The following DCUN1D5 variants were observed in gnomAD, a reference collection of about 807,000 sequenced individuals.
The protein encoded by DCUN1D5 is defective in cullin neddylation 1 domain containing 5, also known as DCN1-like protein 5.
In DCUN1D5, 10 loss-of-function variants were observed where a neutral mutation model predicts 38.3. That is an observed-to-expected ratio of 0.26 (90% CI 0.16 to 0.44). The LOEUF (loss-of-function observed/expected upper bound fraction) is 0.44. DCUN1D5 is among the 20% of genes least tolerant of loss of function. DCUN1D5 has a pLI of 1.00. For synonymous variants in DCUN1D5, 93 were observed against 90.9 expected (o/e 1.02, Z -0.13); for missense variants, 148 against 275.3 (o/e 0.54, Z 3.27).
intron 4 of DCUN1D5, among the ~76,000 whole-genome samples, chr11:103,076,540 T>C (rs1862411461): frequency 6.6e-6 from 1 of 152,260 alleles, no homozygotes; most frequent in Non-Finnish European, 1.5e-5. Flanking sequence ...GTTAAAATTC[T>C]AGCTTCTCTA....
chr11:103,090,602 T>C (rs1401705327), intron 1 of DCUN1D5, among the ~76,000 whole-genome samples: 1 of 152,186 alleles, frequency 6.6e-6, no homozygotes, highest in African/African-American at 2.4e-5. Flanking sequence ...AGGCAGCTAA[T>C]ATGGTTATTT....
chr11:103,072,765 T>TG (rs1862310820), intron 4 of DCUN1D5, among the ~76,000 whole-genome samples: 2 of 6,406 alleles, frequency 3.1e-4, no homozygotes, highest in Admixed American at 1.9e-3. Context: ...TGTCGGGGGG[T>TG]GGGGGGAGGG....
intron 1 of DCUN1D5, among the ~76,000 whole-genome samples, chr11:103,090,606 G>A (rs1308285744): frequency 6.6e-6 from 1 of 152,090 alleles, no homozygotes; most frequent in African/African-American, 2.4e-5. Context: ...AGCTAATATG[G>A]TTATTTTTTA....
intron 4 of DCUN1D5, among the ~76,000 whole-genome samples, 155 bp downstream of exon 4, chr11:103,082,593 C>T (rs1862594148): frequency 6.6e-6 from 1 of 151,914 alleles, no homozygotes; most frequent in Non-Finnish European, 1.5e-5. Context: ...TTGCCCAAGA[C>T]CACAATATAA....
rs1036525182 is a variant in DCUN1D5, at chr11:103,061,252, T to C, written c.*1107A>G. On this transcript the variant is annotated 3_prime_UTR_variant, in exon 8 of 8. Transcript: ENST00000260247. ...CTTCTCTCTACTCAAACAATGACAC[T>C]AGAAATGTTTCTGAAGTTGTGACTG... is the stretch of plus-strand genomic sequence containing the variant. 3.3e-5 allele frequency among the ~76,000 whole-genome samples: 5 copies of C among 152,148 alleles called. No individual in the cohort carries two copies. Among genetic ancestry groups the C allele is most frequent in the Admixed American group, 6.5e-5 (1 of 15,272 alleles).
At chr11:103,072,508 T>A (rs1400085721) in intron 4 of DCUN1D5, among the ~76,000 whole-genome samples, 1 of 151,880 alleles carries the variant, frequency 6.6e-6, no homozygotes. Flanking sequence ...CTTGGAACCA[T>A]CCCAAATGTC....
chr11:103,062,240 AC>A lies in DCUN1D5; in HGVS notation c.*118del. ...TCCTTTAAAAAAAGGAAAAAAAAGT[AC>A]TATGAGAAGTCTTTCATATGAATGA... On this transcript the variant is annotated 3_prime_UTR_variant, in exon 8 of 8. Coordinates refer to ENST00000260247, the MANE Select transcript of DCUN1D5 (RefSeq NM_032299.4). The surrounding 1 kb of genome is among the most constrained non-coding windows in gnomAD (Gnocchi z 4.6). 1.0e-6 allele frequency: 1 copy of A among 960,904 alleles called. No homozygotes were observed. The highest frequency in any genetic ancestry group is 1.5e-5 in the South Asian group (1 of 68,792). 59.5% of individuals were successfully genotyped at this position (960,904 alleles called of 1,614,324 possible).
Position 103,064,136 on chromosome 11 carries a change from C to G in DCUN1D5, c.658+139G>C. On this transcript the variant is annotated intron_variant, in intron 7 of 7. Coordinates refer to ENST00000260247, the MANE Select transcript of DCUN1D5 (RefSeq NM_032299.4). The surrounding 1 kb of genome is among the most constrained non-coding windows in gnomAD (Gnocchi z 4.5). Reference sequence around the variant, plus strand: ...CTGAATCTAAGCTCTCTCTCTACTTCTCCCACAATCCCTCACACAATTAAA... The same window carrying G: ...CTGAATCTAAGCTCTCTCTCTACTTGTCCCACAATCCCTCACACAATTAAA... 3.4e-6 allele frequency: 2 copies of G among 589,640 alleles called. No individual in the cohort carries two copies. The highest frequency in any genetic ancestry group is 2.3e-5 in the South Asian group (1 of 43,564). The allele number at this position is 589,640 out of a possible 1,614,324, so 36.5% of individuals were successfully genotyped here. A position where few individuals can be genotyped will look rare whatever the true frequency, so the allele number is the denominator to read the frequency against.
rs1277759546 is a variant in DCUN1D5, at chr11:103,058,492, G to A, written c.*3867C>T. ...ATTAAATTAATGACAACTTATCCAA[G>A]GTTTGGGGCAGAAATTCATCTTTCC... is the stretch of plus-strand genomic sequence containing the variant. On this transcript the variant is annotated 3_prime_UTR_variant, in exon 8 of 8. Transcript: ENST00000260247. Among the ~76,000 whole-genome samples the A allele has an allele frequency of 6.6e-6, 1 of 152,060 alleles. No individual in the cohort carries two copies. The highest frequency in any genetic ancestry group is 2.4e-5 in the African/African-American group (1 of 41,406).
In DCUN1D5 at chr11:103,086,365, G is replaced by T. The variant is rs1862708180; in HGVS notation, c.178+2862C>A. Among the ~76,000 whole-genome samples the T allele has an allele frequency of 6.6e-6, 1 of 152,124 alleles. No homozygotes were observed. Among genetic ancestry groups the T allele is most frequent in the Non-Finnish European group, 1.5e-5 (1 of 68,024 alleles). ...AGGTATTGTGCTAAGGGCTTTACAT[G>T]TATTATTCTCAGTAGGCAAAATTAT... On this transcript the variant is annotated intron_variant, in intron 2 of 7. Coordinates refer to ENST00000260247, the MANE Select transcript of DCUN1D5 (RefSeq NM_032299.4). This position sits in a 1 kb window ranked among gnomAD's most constrained non-coding sequence, Gnocchi z 4.1.
rs1862259455 is a variant in DCUN1D5, at chr11:103,071,097, A to G, written c.342-4530T>C. Among the ~76,000 whole-genome samples the G allele has an allele frequency of 6.6e-6, 1 of 152,126 alleles. No homozygotes were observed. ...GAAATTTATAGTGCTAAATACACAC[A>G]TTAGAAAAAAGAAAAAGCCTTAATC... On this transcript the variant is annotated intron_variant, in intron 4 of 7. Coordinates refer to ENST00000260247, the MANE Select transcript of DCUN1D5 (RefSeq NM_032299.4). This position sits in a 1 kb window ranked among gnomAD's most constrained non-coding sequence, Gnocchi z 4.1.
rs1342702438 is a variant in DCUN1D5 at position 103,066,967 on chromosome 11, C to T, written c.342-400G>A. On this transcript the variant is annotated intron_variant, in intron 4 of 7. Transcript: ENST00000260247. This position sits in a 1 kb window ranked among gnomAD's most constrained non-coding sequence, Gnocchi z 4.7. ...TTGTCACACATTTCTTTAGAAAGTTCGTAGGTAACAGTTTGGTGAAAGACA... is the reference window on the plus strand; with the variant it reads ...TTGTCACACATTTCTTTAGAAAGTTTGTAGGTAACAGTTTGGTGAAAGACA... Among the ~76,000 whole-genome samples, 4 of 152,080 alleles carry T rather than the reference C, an allele frequency of 2.6e-5. No homozygotes were observed. The highest frequency in any genetic ancestry group is 4.8e-5 in the African/African-American group (2 of 41,430).
Position 103,058,905 on chromosome 11 carries a change from T to G in DCUN1D5, c.*3454A>C, listed in dbSNP as rs116060464. ...GACTTTTGGGTTTTTTTGGGGGGGG[T>G]TTTAATTTTATTTTTTATTTTTGGC... is the stretch of plus-strand genomic sequence containing the variant. On this transcript the variant is annotated 3_prime_UTR_variant, in exon 8 of 8. Transcript: ENST00000260247. Among the ~76,000 whole-genome samples, 18,699 of 149,400 alleles carry G rather than the reference T, an allele frequency of 0.13. 1,462 individuals carry two copies. Among genetic ancestry groups the G allele is most frequent in the African/African-American group, 0.22 (8,849 of 40,160 alleles).
At position 103,082,820 on chromosome 11, in the gene DCUN1D5, G is replaced by A. The variant is rs867688139; in HGVS notation, c.269C>T (p.Ala90Val). 1.9e-6 allele frequency: 3 copies of A among 1,612,212 alleles called. No individual in the cohort carries two copies. Among genetic ancestry groups the A allele is most frequent in the Non-Finnish European group, 2.5e-6 (3 of 1,178,784 alleles). ...CATGCTTTCAGCCTCCAATTTCCACGCTAAAACTAACATAATAATCTGGAA... is the reference window on the plus strand; with the variant it reads ...CATGCTTTCAGCCTCCAATTTCCACACTAAAACTAACATAATAATCTGGAA... ...EPENIIMLVL[A>V]WKLEAESMGF... Residue 90 changes from alanine to valine, a missense_variant, in exon 4 of 8, where the codon GCG (alanine) becomes GTG (valine). Coordinates refer to ENST00000260247, the MANE Select transcript of DCUN1D5 (RefSeq NM_032299.4).
At position 103,065,879 on chromosome 11, in the gene DCUN1D5, C is replaced by A. The variant is rs1204830322; in HGVS notation, c.555+390G>T. Among the ~76,000 whole-genome samples, 1 of 151,928 alleles carries A rather than the reference C, an allele frequency of 6.6e-6. No homozygotes were observed. Among genetic ancestry groups the A allele is most frequent in the Admixed American group, 6.6e-5 (1 of 15,260 alleles). ...GGAAAGTTTTATTACTAAATTGGTT[C>A]TCTTATGTACATTTCAGCTTAAGAC... On this transcript the variant is annotated intron_variant, in intron 6 of 7. Transcript: ENST00000260247. The surrounding 1 kb of genome is among the most constrained non-coding windows in gnomAD (Gnocchi z 4.6).
At position 103,062,563 on chromosome 11, in the gene DCUN1D5, G is replaced by A. The variant is rs1039514043; in HGVS notation, c.659-149C>T. On this transcript the variant is annotated intron_variant, in intron 7 of 7. Coordinates refer to ENST00000260247, the MANE Select transcript of DCUN1D5 (RefSeq NM_032299.4). The surrounding 1 kb of genome is among the most constrained non-coding windows in gnomAD (Gnocchi z 4.6). ...TCTAGACACCTTATTCCATTTAATG[G>A]TGCTTTCTTATTAGCCTTTTCTTTT... The A allele has an allele frequency of 6.0e-6, 4 of 669,658 alleles. No homozygotes were observed. The African/African-American group carries it at 7.4e-5, about 12-fold the overall frequency. The allele number at this position is 669,658 out of a possible 1,614,324, so 41.5% of individuals were successfully genotyped here.
At chr11:103,074,029 C>T (rs1862343775) in intron 4 of DCUN1D5, among the ~76,000 whole-genome samples, 1 of 152,096 alleles carries the variant, frequency 6.6e-6, no homozygotes. Flanking sequence ...AAGATCGCAG[C>T]ACAGGTTGCA....
In DCUN1D5 at chr11:103,061,364, A is replaced by G. The variant is rs374530106; in HGVS notation, c.*995T>C. On this transcript the variant is annotated 3_prime_UTR_variant, in exon 8 of 8. Coordinates refer to ENST00000260247, the MANE Select transcript of DCUN1D5 (RefSeq NM_032299.4). ...TACAAACAGGCCTGCTGCTAGTACA[A>G]AAGTGCCTTTTACATGAATTAGGAA... Among the ~76,000 whole-genome samples the G allele has an allele frequency of 2.1e-4, 32 of 152,262 alleles. 1 individual carries two copies. The highest frequency in any genetic ancestry group is 1.7e-3 in the East Asian group (9 of 5,190).
chr11:103,073,556 A>G lies in DCUN1D5; in HGVS notation c.342-6989T>C, dbSNP rs2134617108. ...GCCACAGTAATCCAGACTGTGTGGT[A>G]CTGGCAGAAGGTTAAGACACATCAG... On this transcript the variant is annotated intron_variant, in intron 4 of 7. Transcript: ENST00000260247. This position sits in a 1 kb window ranked among gnomAD's most constrained non-coding sequence, Gnocchi z 4.2. Among the ~76,000 whole-genome samples, 1 of 152,362 alleles carries G rather than the reference A, an allele frequency of 6.6e-6. No homozygotes were observed. Among genetic ancestry groups the G allele is most frequent in the Non-Finnish European group, 1.5e-5 (1 of 68,026 alleles).
Sources: allele counts gnomAD v4.1 joint callset (sites outside exome capture counted in the v4.1 genomes callset), GRCh38; gene constraint gnomAD v4.1.1; non-coding constraint Gnocchi (gnomAD v3.1); transcripts MANE v1.5; gene names NCBI Gene and HGNC (gene_info 2026-07-23, HGNC 2026-07-21).